The following TENM3 variants were observed in gnomAD, a reference collection of about 807,000 sequenced individuals.
TENM3 encodes the protein teneurin transmembrane protein 3.
A neutral mutation model predicts 255.1 loss-of-function variants in TENM3; 63 were observed. The observed-to-expected ratio is 0.25, with a 90% confidence interval of 0.20 to 0.30. The LOEUF (loss-of-function observed/expected upper bound fraction) is 0.30. Ranked by LOEUF, TENM3 falls within the 10% of genes least tolerant of loss-of-function variation. The probability of loss-of-function intolerance (pLI) is 1.00; values close to 1 mark genes in which losing one functional copy is unlikely to be tolerated. For synonymous variants in TENM3, 1,306 were observed against 1,322.3 expected (o/e 0.99, Z 0.27); for missense variants, 2,929 against 3,461.1 (o/e 0.85, Z 3.86).
the TENM3 span, among the ~76,000 whole-genome samples, chr4:181,961,176 GTCA>G: frequency 1.4e-4 from 21 of 148,054 alleles, no homozygotes; most frequent in African/African-American, 4.8e-4. Flanking sequence ...GATGCTTGCT[GTCA>G]ACTTGTGTCT....
At chr4:182,389,385 A>G (rs1424650336) in intron 3 of TENM3, among the ~76,000 whole-genome samples, 2 of 134 alleles carry the variant, frequency 0.015, no homozygotes, top group Non-Finnish European at 0.037. Context: ...GGTAGATGGA[A>G]AAAAAAAAAA....
the TENM3 span, among the ~76,000 whole-genome samples, chr4:181,803,218 A>C: frequency 2.6e-5 from 4 of 152,216 alleles, 1 homozygote; most frequent in Admixed American, 2.6e-4. Context: ...CATCAGTGAC[A>C]ACCCAACTCC....
the TENM3 span, among the ~76,000 whole-genome samples, chr4:181,972,366 G>A: frequency 3.4e-5 from 5 of 147,286 alleles, no homozygotes; most frequent in Non-Finnish European, 7.4e-5. Context: ...CTGCAGTGCA[G>A]TCAAGGCAAG....
chr4:181,710,318 A>C, the TENM3 span, among the ~76,000 whole-genome samples: 1 of 152,148 alleles, frequency 6.6e-6, no homozygotes, highest in Non-Finnish European at 1.5e-5. Flanking sequence ...ATTTCAAAGG[A>C]GAGAGTGGGT....
the TENM3 span, among the ~76,000 whole-genome samples, chr4:181,845,692 T>C: frequency 6.6e-6 from 1 of 152,224 alleles, no homozygotes; most frequent in African/African-American, 2.4e-5. Flanking sequence ...CCTTCCTGGA[T>C]TCATGCATTT....
chr4:182,324,342 T>C (rs1763259185), intron 2 of TENM3, 90 bp downstream of exon 2: 1 of 986,656 alleles, frequency 1.0e-6, no homozygotes, highest in African/African-American at 1.6e-5. Flanking sequence ...ATGTCTGTTT[T>C]CTGACTTTGG....
chr4:182,493,518 A>G (rs1351842920), intron 3 of TENM3, among the ~76,000 whole-genome samples: 19 of 152,164 alleles, frequency 1.2e-4, no homozygotes, highest in Admixed American at 1.2e-3. Flanking sequence ...GACATCCAAA[A>G]TAGCATTAAA....
At position 182,317,716 on chromosome 4, in the gene TENM3, A is replaced by AAT. The variant is rs138102605; in HGVS notation, c.-75-6215_-75-6214dup. Among the ~76,000 whole-genome samples the AAT allele has an allele frequency of 1.3e-3, 192 of 150,022 alleles. No homozygotes were observed. The East Asian group carries it at 0.017, about 14-fold the overall frequency. ...TATGCTTGAATTTAGCACTACCAAAAATATATATATATATATGATTTTATT... is the reference window on the plus strand; with the variant it reads ...TATGCTTGAATTTAGCACTACCAAAAATATATATATATATATATGATTTTATT... On this transcript the variant is annotated intron_variant, in intron 1 of 27. Coordinates refer to ENST00000511685, the MANE Select transcript of TENM3 (RefSeq NM_001080477.4).
the TENM3 span, among the ~76,000 whole-genome samples, chr4:182,037,667 T>C: frequency 6.6e-6 from 1 of 152,306 alleles, no homozygotes; most frequent in African/African-American, 2.4e-5. Context: ...CATTTAAATG[T>C]TGTTTTCATA....
chr4:181,828,234 C>T, the TENM3 span, among the ~76,000 whole-genome samples: 536 of 152,296 alleles, frequency 3.5e-3, 3 homozygotes, highest in African/African-American at 0.011. Context: ...CCAAGGTTGC[C>T]GTCTCCTCTG....
In TENM3 at chr4:182,346,803, G is replaced by C; in HGVS notation, c.385G>C (p.Glu129Gln). The change falls in exon 3 of 28, where the codon GAG (glutamate) becomes CAG (glutamine). Residue 129 changes from glutamate to glutamine, a missense_variant. By Grantham distance (29) the Glu-to-Gln change is conservative. Coordinates refer to ENST00000511685, the MANE Select transcript of TENM3 (RefSeq NM_001080477.4). ...TGAAAATGAAGCAGTGATGTCCCCA[G>C]AGCATGCCATGAGACTTTGGGGCAG... ...DTENEAVMSP[E>Q]HAMRLWGRGV... 1 of 1,613,548 alleles carries C rather than the reference G, an allele frequency of 6.2e-7. No homozygotes were observed. Among genetic ancestry groups the C allele is most frequent in the Non-Finnish European group, 8.5e-7 (1 of 1,179,742 alleles).
chr4:181,836,697 T>A, the TENM3 span, among the ~76,000 whole-genome samples: 3 of 152,192 alleles, frequency 2.0e-5, no homozygotes, highest in Non-Finnish European at 4.4e-5. Flanking sequence ...ATAAAGCCAG[T>A]GCCCTCCCAT....
At chr4:181,782,864 T>A in the TENM3 span, among the ~76,000 whole-genome samples, 2 of 152,206 alleles carry the variant, frequency 1.3e-5, no homozygotes, top group African/African-American at 4.8e-5. Context: ...ATTTCTGCCT[T>A]CATTTCTTTA....
intron 3 of TENM3, among the ~76,000 whole-genome samples, chr4:182,532,251 A>G: frequency 6.6e-6 from 1 of 152,182 alleles, no homozygotes; most frequent in African/African-American, 2.4e-5. Context: ...GCTCAGCTGC[A>G]TACTCTCTCT....
chr4:181,563,833 C>A, the TENM3 span, among the ~76,000 whole-genome samples: 1 of 152,076 alleles, frequency 6.6e-6, no homozygotes, highest in Admixed American at 6.6e-5. Flanking sequence ...TGTAACCATA[C>A]AATAGCTCAT....
chr4:181,537,389 G>A, the TENM3 span, among the ~76,000 whole-genome samples: 10 of 152,116 alleles, frequency 6.6e-5, no homozygotes, highest in Admixed American at 3.3e-4. Context: ...TAGCAGGGAC[G>A]AAATTAACCG....
At chr4:181,709,686 A>T in the TENM3 span, among the ~76,000 whole-genome samples, 1 of 152,254 alleles carries the variant, frequency 6.6e-6, no homozygotes, top group Non-Finnish European at 1.5e-5. Flanking sequence ...TGGCTGCTGC[A>T]CAGATGTGGA....
chr4:181,888,618 G>GTGTGTGTGTGTGTGGA, the TENM3 span, among the ~76,000 whole-genome samples: 17 of 111,780 alleles, frequency 1.5e-4, no homozygotes, highest in South Asian at 3.2e-4. Flanking sequence ...GTGTGTGTGT[G>GTGTGTGTGTGTGTGGA]GAAAGAGAGA....
At chr4:182,110,053 G>C in the TENM3 span, among the ~76,000 whole-genome samples, 13 of 149,756 alleles carry the variant, frequency 8.7e-5, no homozygotes, top group South Asian at 2.8e-3. Context: ...GGTGGAGGTT[G>C]CAGTGAGCCG....
Sources: allele counts gnomAD v4.1 joint callset (sites outside exome capture counted in the v4.1 genomes callset), GRCh38; gene constraint gnomAD v4.1.1; transcripts MANE v1.5; gene names NCBI Gene and HGNC (gene_info 2026-07-23, HGNC 2026-07-21).